FNIP2: variants seen among roughly 807,000 people sequenced by gnomAD.
FNIP2 encodes folliculin interacting protein 2, also known as folliculin-interacting protein 2.
A neutral mutation model predicts 108.7 loss-of-function variants in FNIP2; 32 were observed. The observed-to-expected ratio is 0.29, with a 90% CI of 0.22 to 0.40. The LOEUF is 0.40. Among genes scored for constraint, FNIP2 ranks in the 10% least tolerant of loss-of-function variants. The pLI, the probability that FNIP2 is intolerant of heterozygous loss-of-function variation, is 1.00. For missense variants in FNIP2, 1,202 were observed against 1,381.6 expected (o/e 0.87, Z 2.06); for synonymous variants, 480 against 496.7 (o/e 0.97, Z 0.45).
chr4:158,818,889 A>G (rs2126537178), intron 1 of FNIP2, among the ~76,000 whole-genome samples: 1 of 152,310 alleles, frequency 6.6e-6, no homozygotes, highest in African/African-American at 2.4e-5. Flanking sequence ...CAGCAGAGCT[A>G]GAGTTAGAAG....
intron 16 of FNIP2, among the ~76,000 whole-genome samples, chr4:158,903,066 G>T (rs1387785868): frequency 2.0e-5 from 3 of 152,214 alleles, no homozygotes; most frequent in Admixed American, 6.5e-5. Flanking sequence ...CTCAGTGTCT[G>T]CCCAAATGGC....
intron 16 of FNIP2, 73 bp downstream of exon 16, chr4:158,895,938 G>C: frequency 8.7e-7 from 1 of 1,145,790 alleles, no homozygotes; most frequent in Non-Finnish European, 1.3e-6. Context: ...AACGTGTTTA[G>C]CCTGTGTCAC....
chr4:158,860,700 A>G (rs1289845308), intron 10 of FNIP2, among the ~76,000 whole-genome samples: 1 of 139,640 alleles, frequency 7.2e-6, no homozygotes, highest in East Asian at 2.1e-4. Flanking sequence ...CTCTGTCACC[A>G]GGATGGAGTG....
At chr4:158,794,884 A>G (rs1776531576) in intron 1 of FNIP2, among the ~76,000 whole-genome samples, 2 of 152,234 alleles carry the variant, frequency 1.3e-5, no homozygotes, top group South Asian at 4.1e-4. Flanking sequence ...GTCCAGTTAC[A>G]TTAATCCTCT....
At chr4:158,791,459 T>C (rs532891970) in intron 1 of FNIP2, among the ~76,000 whole-genome samples, 5 of 151,902 alleles carry the variant, frequency 3.3e-5, no homozygotes, top group African/African-American at 1.2e-4. Context: ...CTAAGTTTTG[T>C]ATTTTTAGTA....
intron 1 of FNIP2, among the ~76,000 whole-genome samples, chr4:158,778,080 C>A (rs535546869): frequency 1.3e-5 from 2 of 152,332 alleles, no homozygotes; most frequent in South Asian, 4.1e-4. Context: ...ATGTATAACA[C>A]TTAACCCAGT....
At chr4:158,834,041 G>A in intron 6 of FNIP2, 1 of 363,062 alleles carries the variant, frequency 2.8e-6, no homozygotes, top group Non-Finnish European at 4.7e-6. Context: ...AATCCATGGT[G>A]TTTCGAAAAT....
chr4:158,829,853 T>C (rs1422669112), intron 3 of FNIP2, among the ~76,000 whole-genome samples: 3 of 152,192 alleles, frequency 2.0e-5, no homozygotes, highest in Non-Finnish European at 4.4e-5. Flanking sequence ...TATATTGAAC[T>C]TTTTCTTAAA....
chr4:158,881,625 A>AT (rs1461264129), intron 14 of FNIP2, among the ~76,000 whole-genome samples: 5 of 152,032 alleles, frequency 3.3e-5, no homozygotes, highest in Non-Finnish European at 5.9e-5. Flanking sequence ...TGGTTTTCGT[A>AT]TTTTTTTGGT....
chr4:158,893,109 T>G (rs1782391736), intron 15 of FNIP2: 2 of 152,330 alleles, frequency 1.3e-5, no homozygotes, highest in African/African-American at 4.8e-5. Flanking sequence ...ATCCCGAGTC[T>G]CTCCGAACCT....
chr4:158,883,401 C>G (rs1025870663), intron 14 of FNIP2, among the ~76,000 whole-genome samples: 27 of 152,240 alleles, frequency 1.8e-4, no homozygotes, highest in African/African-American at 6.5e-4. Context: ...GCCACTATGC[C>G]CGGCTAATTT....
chr4:158,827,982 A>G (rs1209902714), intron 2 of FNIP2, among the ~76,000 whole-genome samples: 3 of 152,092 alleles, frequency 2.0e-5, no homozygotes, highest in East Asian at 1.9e-4. Context: ...AAAGCTACAC[A>G]AGGAAAAAAA....
chr4:158,869,554 G>A, intron 13 of FNIP2, 126 bp downstream of exon 13: 1 of 1,275,692 alleles, frequency 7.8e-7, no homozygotes, highest in Non-Finnish European at 1.0e-6. Context: ...TTTCCACAAA[G>A]TACTAGAAGT....
chr4:158,794,976 GA>G (rs1776539966), intron 1 of FNIP2, among the ~76,000 whole-genome samples: 6 of 152,144 alleles, frequency 3.9e-5, no homozygotes, highest in Non-Finnish European at 8.8e-5. Flanking sequence ...TCTGCTAAGA[GA>G]AGTTTATTCA....
rs1326982490 is a variant in FNIP2 at position 158,851,432 on chromosome 4, A to G, written c.839A>G (p.Asn280Ser). ...CGAAGTCAGACAACAAGTTTGGAAA[A>G]TGGCATCATCCCAAGAAGGTGAGTT... is the stretch of plus-strand genomic sequence containing the variant. ...WLRSQTTSLE[N>S]GIIPRRSTDE... The change falls in exon 8 of 17, where the codon AAT becomes AGT. Residue 280 changes from asparagine (N) to serine (S), a missense_variant. Asn to Ser is a conservative substitution (Grantham distance 46). This residue lies in a region of FNIP2 where 878 missense variants were observed against 990.3 expected (regional missense o/e 0.89). Transcript: ENST00000264433. 2 of 1,613,826 alleles carry G rather than the reference A, an allele frequency of 1.2e-6. No individual in the cohort carries two copies. The highest frequency in any genetic ancestry group is 1.3e-5 in the African/African-American group (1 of 74,904).
rs563452329 is a variant in FNIP2, at chr4:158,807,662, T to A, written c.108-18254T>A. On this transcript the variant is annotated intron_variant, in intron 1 of 16. Coordinates refer to ENST00000264433, the MANE Select transcript of FNIP2 (RefSeq NM_020840.3). ...AGTTTTTGTCACGTAAAAATCTTTG[T>A]CATTTTTTAATAGAAACAATAAAAC... 2.0e-5 allele frequency among the ~76,000 whole-genome samples: 3 copies of A among 152,324 alleles called. No individual in the cohort carries two copies. The East Asian group carries it at 5.8e-4, about 29-fold the overall frequency.
intron 3 of FNIP2, among the ~76,000 whole-genome samples, chr4:158,830,216 C>T (rs1778390854): frequency 6.7e-6 from 1 of 150,200 alleles, no homozygotes; most frequent in Non-Finnish European, 1.5e-5. Flanking sequence ...GAGAGAGGAA[C>T]CTAGCTGAGC....
At chr4:158,891,822 G>C (rs1229603733) in intron 15 of FNIP2, among the ~76,000 whole-genome samples, 176 bp downstream of exon 15, 1 of 152,156 alleles carries the variant, frequency 6.6e-6, no homozygotes, top group Non-Finnish European at 1.5e-5. Context: ...AGTAGTAATA[G>C]CTCTTCCGTG....
intron 14 of FNIP2, chr4:158,890,330 C>T (rs1782216283): frequency 1.0e-6 from 1 of 985,150 alleles, no homozygotes; most frequent in Non-Finnish European, 1.2e-6. Flanking sequence ...CAGGGTTTTT[C>T]CTACTATTTT....
Sources: gnomAD v4.1 joint callset for allele counts (sites outside exome capture counted in the v4.1 genomes callset) on GRCh38, gnomAD v4.1.1 for gene constraint, gnomAD v4.1.1 regional missense constraint, MANE v1.5 for transcripts, NCBI Gene and HGNC (gene_info 2026-07-23, HGNC 2026-07-21) for gene names.